Variants in TLN2 observed in about 807,000 individuals in gnomAD.
TLN2 encodes the protein talin-2.
TLN2 carries 118 observed loss-of-function variants against 294.7 expected under a neutral mutation model. That is an observed-to-expected ratio of 0.40 (90% confidence interval 0.34 to 0.47). The LOEUF is 0.47. Ranked by LOEUF, TLN2 falls within the 20% of genes least tolerant of loss-of-function variation. TLN2 has a pLI of 0.84. For missense variants in TLN2, 3,083 were observed against 3,282.2 expected, an observed-to-expected ratio of 0.94 and a Z score of 1.48; for synonymous variants, 1,431 against 1,304.5, an observed-to-expected ratio of 1.10 and a Z score of -2.09.
chr15:62,726,113 A>G (rs1014532420), intron 27 of TLN2, among the ~76,000 whole-genome samples: 6 of 33,092 alleles, frequency 1.8e-4, no homozygotes, highest in Non-Finnish European at 3.7e-4. Flanking sequence ...GCAAAGTTCT[A>G]TACCCCAGGG....
intron 1 of TLN2, among the ~76,000 whole-genome samples, chr15:62,471,982 G>T (rs896131739): frequency 3.9e-5 from 6 of 152,024 alleles, no homozygotes; most frequent in Non-Finnish European, 7.4e-5. Context: ...TCTCCCCTGC[G>T]CTTGACATTC....
Position 62,717,590 on chromosome 15 carries a change from G to A in TLN2, c.2778G>A (p.Gln926=), listed in dbSNP as rs1414194487. The A allele has an allele frequency of 6.3e-7, 1 of 1,579,328 alleles. No homozygotes were observed. The highest frequency in any genetic ancestry group is 8.6e-7 in the Non-Finnish European group (1 of 1,166,314). ...CTCCTCTGCAGGTTGCAGCCAAGCA[G>A]GCCGCAGCGGCAGCCACACAGACCA... ...IVNRLEVAAK[Q]AAAAATQTIA... is the part of the protein sequence containing the mutation. The change falls in exon 24 of 59, where the codon CAG becomes CAA. Residue 926 remains glutamine, a synonymous_variant. Transcript: ENST00000636159.
intron 1 of TLN2, among the ~76,000 whole-genome samples, chr15:62,424,482 A>G (rs1409564156): frequency 6.6e-6 from 1 of 152,118 alleles, no homozygotes; most frequent in African/African-American, 2.4e-5. Flanking sequence ...TTGTCTGTGT[A>G]CACGCACCTC....
intron 3 of TLN2, among the ~76,000 whole-genome samples, chr15:62,618,703 G>A (rs1866238914): frequency 6.6e-6 from 1 of 152,192 alleles, no homozygotes; most frequent in South Asian, 2.1e-4. Context: ...CTATGAAGGT[G>A]GTTGATTCCT....
At chr15:62,498,815 CTG>C (rs2039153073) in intron 1 of TLN2, among the ~76,000 whole-genome samples, 1 of 151,934 alleles carries the variant, frequency 6.6e-6, no homozygotes, top group African/African-American at 2.4e-5. Flanking sequence ...ACAGGAGAGT[CTG>C]TGAATGACAT....
intron 52 of TLN2, among the ~76,000 whole-genome samples, chr15:62,817,716 A>G (rs936549941): frequency 4.6e-5 from 7 of 152,068 alleles, no homozygotes. Flanking sequence ...GGCAGGGGAA[A>G]GGAGTGTGGG....
At chr15:62,750,556 C>A in intron 34 of TLN2, 65 bp downstream of exon 34, 1 of 1,407,636 alleles carries the variant, frequency 7.1e-7, no homozygotes, top group Non-Finnish European at 1.0e-6. Context: ...GAAGTTTAGA[C>A]GTGCCTTCTG....
chr15:62,617,413 G>T (rs951712557), intron 2 of TLN2, among the ~76,000 whole-genome samples: 3 of 151,998 alleles, frequency 2.0e-5, no homozygotes, highest in African/African-American at 7.2e-5. Flanking sequence ...CAGTGATACT[G>T]ATGTTTTACA....
In TLN2 at chr15:62,719,695, G is replaced by T; in HGVS notation, c.2878-72G>T. The T allele has an allele frequency of 1.3e-5, 17 of 1,286,190 alleles. 1 individual carries two copies. The South Asian group carries it at 2.7e-4, about 20-fold the overall frequency. 79.7% of individuals were successfully genotyped at this position (1,286,190 alleles called of 1,614,324 possible). A position where few individuals can be genotyped will look rare whatever the true frequency, so the allele number is the denominator to read the frequency against. On this transcript the variant is annotated intron_variant, in intron 24 of 58. Coordinates refer to ENST00000636159, the MANE Select transcript of TLN2 (RefSeq NM_015059.3). The stretch of plus-strand genomic sequence containing the variant: ...ATGGCACATCCAAAAAGCGCACTTG[G>T]GTCATGGTCTAGCTTCTTTGGATGG...
intron 1 of TLN2, among the ~76,000 whole-genome samples, chr15:62,495,954 AAAAAC>A (rs991152094): frequency 2.6e-5 from 4 of 152,124 alleles, no homozygotes; most frequent in African/African-American, 7.2e-5. Context: ...CCAAAAAAAA[AAAAAC>A]AAAAACCAAA....
At chr15:62,621,529 G>A (rs2048828380) in intron 3 of TLN2, among the ~76,000 whole-genome samples, 1 of 152,192 alleles carries the variant, frequency 6.6e-6, no homozygotes, top group East Asian at 1.9e-4. Context: ...ATTCTCAAAT[G>A]TGTACTAGAA....
intron 22 of TLN2, among the ~76,000 whole-genome samples, chr15:62,715,084 A>G (rs1233372487): frequency 6.6e-6 from 1 of 152,260 alleles, no homozygotes; most frequent in African/African-American, 2.4e-5. Context: ...AAAATGTTTC[A>G]TTGCTAGATT....
In TLN2 at chr15:62,755,717, T is replaced by C. The variant is rs766038373; in HGVS notation, c.4638+24T>C. The C allele has an allele frequency of 2.5e-6, 4 of 1,613,394 alleles. No individual in the cohort carries two copies. In the East Asian group the frequency reaches 8.9e-5, roughly 36 times the overall value. On this transcript the variant is annotated intron_variant, in intron 37 of 58. Coordinates refer to ENST00000636159, the MANE Select transcript of TLN2 (RefSeq NM_015059.3). The stretch of plus-strand genomic sequence containing the variant: ...AGGTAGGTCGCTGGACTACCGGCCT[T>C]ATTGAACTCTGTAACTCCTGTTCTG...
intron 34 of TLN2, among the ~76,000 whole-genome samples, chr15:62,751,039 A>G (rs766930805): frequency 1.6e-4 from 24 of 152,144 alleles, no homozygotes; most frequent in Non-Finnish European, 2.1e-4. Flanking sequence ...AAGATAATAT[A>G]ATGGCTTGTT....
chr15:62,554,979 A>C (rs985964627), intron 1 of TLN2, among the ~76,000 whole-genome samples: 3 of 117,524 alleles, frequency 2.6e-5, no homozygotes, highest in African/African-American at 1.1e-4. Flanking sequence ...GAAGTTTATA[A>C]ATTCTATTTA....
At chr15:62,630,839 T>C (rs779498061) in intron 3 of TLN2, among the ~76,000 whole-genome samples, 1 of 152,144 alleles carries the variant, frequency 6.6e-6, no homozygotes, top group Non-Finnish European at 1.5e-5. Context: ...TGAGAAGATG[T>C]CTTTTTCTTT....
chr15:62,459,131 G>C (rs1429224421), intron 1 of TLN2, among the ~76,000 whole-genome samples: 1 of 151,960 alleles, frequency 6.6e-6, no homozygotes, highest in Non-Finnish European at 1.5e-5. Context: ...CTCCTGAGTA[G>C]CTGGGACTAC....
At chr15:62,787,107 G>A (rs1271314513) in intron 45 of TLN2, among the ~76,000 whole-genome samples, 1 of 152,052 alleles carries the variant, frequency 6.6e-6, no homozygotes, top group Non-Finnish European at 1.5e-5. Context: ...TGTTGCCCAG[G>A]CTGGTCTCAA....
chr15:62,693,331 C>CAA (rs936130189), intron 13 of TLN2, among the ~76,000 whole-genome samples: 7 of 149,572 alleles, frequency 4.7e-5, no homozygotes, highest in African/African-American at 1.7e-4. Flanking sequence ...GATTCCATCT[C>CAA]AAAAAAAAAC....
Sources: allele counts gnomAD v4.1 joint callset (sites outside exome capture counted in the v4.1 genomes callset), GRCh38; gene constraint gnomAD v4.1.1; transcripts MANE v1.5; gene names NCBI Gene and HGNC (gene_info 2026-07-23, HGNC 2026-07-21).